Variants in ATP2B2 observed in about 807,000 individuals in gnomAD.
ATP2B2 encodes ATPase plasma membrane Ca2+ transporting 2, also known as plasma membrane calcium-transporting ATPase 2.
Under a neutral mutation model 120.0 loss-of-function variants are expected in ATP2B2, and 15 were observed. The observed-to-expected ratio is 0.12, with a 90% CI of 0.08 to 0.19. ATP2B2 has a LOEUF of 0.19. Ranked by LOEUF, ATP2B2 falls within the 10% of genes least tolerant of loss-of-function variation. ATP2B2 has a pLI of 1.00. For missense variants in ATP2B2, 1,045 were observed against 1,719.8 expected (o/e 0.61, Z 6.94); for synonymous variants, 694 against 700.3 (o/e 0.99, Z 0.14).
intron 2 of ATP2B2, among the ~76,000 whole-genome samples, chr3:10,431,859 C>T (rs1332495319): frequency 6.6e-6 from 1 of 152,122 alleles, no homozygotes; most frequent in Non-Finnish European, 1.5e-5. Context: ...TGGGCTGGCA[C>T]CCTGAAACCC....
At position 10,528,311 on chromosome 3, in the gene ATP2B2, T is replaced by TTGTTCCACTGAAACAAGTCTCCTG. The variant is rs2067141646; in HGVS notation, c.-320+5727_-320+5728insCAGGAGACTTGTTTCAGTGGAACA. On this transcript the variant is annotated intron_variant, in intron 3 of 21. Coordinates refer to the ATP2B2 transcript ENST00000646379. ...CACTGAAACAAGTCACGTGGGGAAA[T>TTGTTCCACTGAAACAAGTCTCCTG]GCCAGGCCAGGAGAGCCTGGGCCAA... is the stretch of plus-strand genomic sequence containing the variant. Among the ~76,000 whole-genome samples the TTGTTCCACTGAAACAAGTCTCCTG allele has an allele frequency of 2.6e-5, 4 of 152,044 alleles. No homozygotes were observed. In the South Asian group the frequency reaches 6.2e-4, roughly 24 times the overall value.
At chr3:10,451,246 T>A (rs2064035508) in intron 1 of ATP2B2, among the ~76,000 whole-genome samples, 1 of 152,110 alleles carries the variant, frequency 6.6e-6, no homozygotes, top group African/African-American at 2.4e-5. Flanking sequence ...TAGGGGGTGC[T>A]CCCGCGTTTG....
At chr3:10,692,175 T>G (rs2071675955) in intron 1 of ATP2B2, among the ~76,000 whole-genome samples, 1 of 152,196 alleles carries the variant, frequency 6.6e-6, no homozygotes, top group African/African-American at 2.4e-5. Flanking sequence ...AGCCTGGAGG[T>G]GGCAAGCAAA....
chr3:10,655,875 C>T (rs559248537), intron 1 of ATP2B2, among the ~76,000 whole-genome samples: 1 of 152,226 alleles, frequency 6.6e-6, no homozygotes, highest in Non-Finnish European at 1.5e-5. Flanking sequence ...TTCAACGTGC[C>T]TCCTCCTTCT....
chr3:10,473,655 T>G (rs2065097416), intron 1 of ATP2B2, among the ~76,000 whole-genome samples: 2 of 152,146 alleles, frequency 1.3e-5, no homozygotes, highest in Non-Finnish European at 2.9e-5. Context: ...ATGAAGAGAA[T>G]AAGGCATTAT....
intron 2 of ATP2B2, among the ~76,000 whole-genome samples, chr3:10,436,784 G>C (rs1170110474): frequency 1.3e-5 from 2 of 152,176 alleles, no homozygotes; most frequent in Non-Finnish European, 2.9e-5. Flanking sequence ...TCGGCACACA[G>C]GCAGAAACAG....
upstream of ATP2B2, among the ~76,000 whole-genome samples, chr3:10,506,265 C>T (rs1243935975): frequency 1.6e-4 from 24 of 151,988 alleles, no homozygotes; most frequent in Non-Finnish European, 1.5e-5. Context: ...TGCCTGTGTG[C>T]GACCCCACCT....
intron 2 of ATP2B2, among the ~76,000 whole-genome samples, chr3:10,546,527 C>T (rs1373660183): frequency 6.6e-6 from 1 of 152,238 alleles, no homozygotes; most frequent in Non-Finnish European, 1.5e-5. Flanking sequence ...GCTGGGGCCA[C>T]TCAGCCCCTA....
At chr3:10,676,145 G>C (rs562384563) in intron 1 of ATP2B2, among the ~76,000 whole-genome samples, 1 of 152,284 alleles carries the variant, frequency 6.6e-6, no homozygotes, top group East Asian at 1.9e-4. Context: ...GATCAATGAA[G>C]AAGGAAGAAA....
At chr3:10,389,598 G>A (rs1365534488) in intron 5 of ATP2B2, among the ~76,000 whole-genome samples, 1 of 152,156 alleles carries the variant, frequency 6.6e-6, no homozygotes. Context: ...GCCAGGGGCT[G>A]GGGAAGGGAA....
chr3:10,634,046 G>A (rs753395317), intron 1 of ATP2B2, among the ~76,000 whole-genome samples: 13 of 152,280 alleles, frequency 8.5e-5, no homozygotes, highest in South Asian at 4.2e-4. Flanking sequence ...CTTCCTTGCC[G>A]CCTTTCTGCC....
chr3:10,707,042 G>A (rs73028143), intron 1 of ATP2B2, among the ~76,000 whole-genome samples: 8,882 of 152,274 alleles, frequency 0.058, 343 homozygotes, highest in Non-Finnish European at 0.087. Flanking sequence ...AGAGTATCCC[G>A]TCCTCCTGAG....
intron 3 of ATP2B2, among the ~76,000 whole-genome samples, chr3:10,517,330 G>C (rs1197207575): frequency 6.6e-6 from 1 of 152,202 alleles, no homozygotes; most frequent in Non-Finnish European, 1.5e-5. Context: ...GGGGAGGGAG[G>C]TGGTGGTGGA....
chr3:10,619,453 C>T (rs1001069712), intron 2 of ATP2B2, among the ~76,000 whole-genome samples: 1 of 152,144 alleles, frequency 6.6e-6, no homozygotes, highest in Non-Finnish European at 1.5e-5. Flanking sequence ...CATCTGATGG[C>T]GTTAAAAGAT....
chr3:10,337,844 C>T (rs1015976472), intron 22 of ATP2B2, among the ~76,000 whole-genome samples: 2 of 152,104 alleles, frequency 1.3e-5, no homozygotes, highest in Admixed American at 6.5e-5. Context: ...CAGCCCTGAG[C>T]GACAGTCCCC....
chr3:10,453,106 A>G (rs2064123141), intron 1 of ATP2B2, among the ~76,000 whole-genome samples: 1 of 151,654 alleles, frequency 6.6e-6, no homozygotes, highest in Non-Finnish European at 1.5e-5. Context: ...TTACAGAAAT[A>G]TCTATCTCAG....
chr3:10,427,739 T>G (rs760699819), intron 2 of ATP2B2, among the ~76,000 whole-genome samples: 2 of 152,138 alleles, frequency 1.3e-5, no homozygotes, highest in African/African-American at 2.4e-5. Flanking sequence ...CTGAAATACC[T>G]CTCCCTCCAC....
intron 14 of ATP2B2, among the ~76,000 whole-genome samples, chr3:10,351,768 C>T (rs948983957): frequency 2.0e-5 from 3 of 152,198 alleles, no homozygotes; most frequent in Admixed American, 6.5e-5. Flanking sequence ...AATTTCGACA[C>T]AAAGATATGC....
At position 10,329,174 on chromosome 3, in the gene ATP2B2, A is replaced by C; in HGVS notation, c.3421-49T>G. 26 of 1,044,578 alleles carry C rather than the reference A, an allele frequency of 2.5e-5. No individual in the cohort carries two copies. The highest frequency in any genetic ancestry group is 3.4e-5 in the Non-Finnish European group (25 of 727,912). 64.7% of individuals were successfully genotyped at this position (1,044,578 alleles called of 1,614,324 possible). On this transcript the variant is annotated intron_variant, in intron 22 of 22. Transcript: ENST00000360273. This position sits in a 1 kb window ranked among gnomAD's most constrained non-coding sequence, Gnocchi z 5.9. ...GGAGCACTGCCCAGGGACCACAGCC[A>C]GGCTCGGGGGGCTCACAGGAGGGGC...
Sources: allele counts gnomAD v4.1 joint callset (sites outside exome capture counted in the v4.1 genomes callset), GRCh38; gene constraint gnomAD v4.1.1; non-coding constraint Gnocchi (gnomAD v3.1); transcripts MANE v1.5; gene names NCBI Gene and HGNC (gene_info 2026-07-23, HGNC 2026-07-21).